ACADSB: variants seen among roughly 807,000 people sequenced by gnomAD.
ACADSB encodes short/branched chain specific acyl-CoA dehydrogenase, mitochondrial.
In ACADSB, 40 loss-of-function variants were observed where a neutral mutation model predicts 54.1. That is an observed-to-expected ratio of 0.74 (90% CI 0.57 to 0.96). ACADSB has a LOEUF of 0.96. ACADSB is among the 40% of genes least tolerant of loss of function. The probability of loss-of-function intolerance (pLI) is 0.00; values close to 1 mark genes in which losing one functional copy is unlikely to be tolerated. For synonymous variants in ACADSB, 182 were observed against 182.8 expected (o/e 1.00, Z 0.03); for missense variants, 530 against 510.4 (o/e 1.04, Z -0.37).
chr10:123,056,313 G>T lies in ACADSB; in HGVS notation c.*2548G>T, dbSNP rs545467732. The T allele has an allele frequency of 2.1e-4, 50 of 242,868 alleles. 1 individual carries two copies. The highest frequency in any genetic ancestry group is 1.5e-3 in the Middle Eastern group (1 of 676). The allele number at this position is 242,868 out of a possible 1,614,324, so 15.0% of individuals were successfully genotyped here. On this transcript the variant is annotated 3_prime_UTR_variant, in exon 11 of 11. Coordinates refer to ENST00000358776, the MANE Select transcript of ACADSB (RefSeq NM_001609.4). ...CATGGCGGGAGGTGAAAAGCACTTC[G>T]TACATGGTGGTGGCAAGAGAAAATG...
chr10:123,035,221 G>T (rs1554872401), intron 2 of ACADSB, among the ~76,000 whole-genome samples: 1 of 152,108 alleles, frequency 6.6e-6, no homozygotes, highest in East Asian at 1.9e-4. Context: ...CTCCCAAAGT[G>T]CTGGGATTAC....
chr10:123,016,105 T>G (rs1406549214), intron 1 of ACADSB, among the ~76,000 whole-genome samples: 1 of 152,140 alleles, frequency 6.6e-6, no homozygotes, highest in Non-Finnish European at 1.5e-5. Flanking sequence ...TTTAGACACG[T>G]TTTAGGTATT....
Position 123,037,792 on chromosome 10 carries a change from T to C in ACADSB, c.248T>C (p.Met83Thr), listed in dbSNP as rs1249335396. The C allele has an allele frequency of 1.9e-6, 3 of 1,612,578 alleles. No individual in the cohort carries two copies. The highest frequency in any genetic ancestry group is 2.7e-5 in the African/African-American group (2 of 74,898). ...CAAATTGCACCTTTGGTTTCAACCATGGATGAAAATTCGAAAATGGAGAAA... is the reference window on the plus strand; with the variant it reads ...CAAATTGCACCTTTGGTTTCAACCACGGATGAAAATTCGAAAATGGAGAAA... The part of the protein sequence containing the change: ...QEQIAPLVST[M>T]DENSKMEKSV... Residue 83 changes from methionine (M) to threonine (T), a missense_variant, in exon 3 of 11, where the codon ATG becomes ACG. Met to Thr is a moderately conservative substitution (Grantham distance 81, BLOSUM62 -1). Transcript: ENST00000358776.
chr10:123,054,029 C>T lies in ACADSB; in HGVS notation c.*264C>T, dbSNP rs1850670887. On this transcript the variant is annotated 3_prime_UTR_variant, in exon 11 of 11. Transcript: ENST00000358776. ...AAAACTGTTTTTAAAGCTGTATACG[C>T]ATACATATATATATTTTTACTCTGT... 3.8e-6 allele frequency: 2 copies of T among 522,080 alleles called. No homozygotes were observed. The highest frequency in any genetic ancestry group is 3.4e-6 in the Non-Finnish European group (1 of 290,546). The allele number at this position is 522,080 out of a possible 1,614,324, so 32.3% of individuals were successfully genotyped here.
At chr10:123,048,974 C>T (rs764703088) in intron 8 of ACADSB, among the ~76,000 whole-genome samples, 17 of 152,148 alleles carry the variant, frequency 1.1e-4, no homozygotes, top group Non-Finnish European at 2.2e-4. Context: ...CTTCGGCCTC[C>T]CAAAGTGCTG....
intron 1 of ACADSB, among the ~76,000 whole-genome samples, chr10:123,021,658 A>G (rs1321305903): frequency 6.6e-6 from 1 of 152,192 alleles, no homozygotes; most frequent in African/African-American, 2.4e-5. Flanking sequence ...CAAAACGTGC[A>G]GTAGTTGTAA....
At chr10:123,032,720 G>A (rs1204260368) in intron 1 of ACADSB, among the ~76,000 whole-genome samples, 2 of 151,662 alleles carry the variant, frequency 1.3e-5, no homozygotes, top group Non-Finnish European at 2.9e-5. Context: ...CTCCCGAGTA[G>A]CTGGGATTAC....
intron 2 of ACADSB, 106 bp from the exon 3 acceptor site, chr10:123,037,641 G>A (rs528278687): frequency 1.5e-5 from 11 of 741,160 alleles, no homozygotes; most frequent in East Asian, 2.6e-5. Context: ...TATAAGAAGG[G>A]TACCTGTGTA....
chr10:123,025,848 G>GT (rs1483073927), intron 1 of ACADSB, among the ~76,000 whole-genome samples: 2 of 152,134 alleles, frequency 1.3e-5, no homozygotes, highest in African/African-American at 2.4e-5. Flanking sequence ...ATCACCTGAG[G>GT]TCAGGAGTTG....
rs750986257 is a variant in ACADSB at position 123,009,011 on chromosome 10, G to C, written c.-19G>C. On this transcript the variant is annotated 5_prime_UTR_variant, in exon 1 of 11. Transcript: ENST00000358776. ...GGCTAGAGACCCAGAGGCGCAGAGC[G>C]GAGAGGCCTGCGGCGAGGATGGAGG... 3.2e-5 allele frequency: 49 copies of C among 1,547,568 alleles called. No individual in the cohort carries two copies. The highest frequency in any genetic ancestry group is 1.9e-4 in the African/African-American group (14 of 73,030).
At chr10:123,051,586 C>T (rs146714295) in intron 9 of ACADSB, among the ~76,000 whole-genome samples, 5 of 152,198 alleles carry the variant, frequency 3.3e-5, no homozygotes, top group African/African-American at 7.2e-5. Context: ...AAGTGAATGC[C>T]GTGGAAGATG....
chr10:123,015,123 G>A (rs1253862985), intron 1 of ACADSB, among the ~76,000 whole-genome samples: 1 of 152,242 alleles, frequency 6.6e-6, no homozygotes, highest in Non-Finnish European at 1.5e-5. Flanking sequence ...CAGTCCTGGA[G>A]AAGAGCCCTT....
Position 123,045,148 on chromosome 10 carries a change from TA to T in ACADSB, c.900+664del, listed in dbSNP as rs1564752881. 2.8e-3 allele frequency among the ~76,000 whole-genome samples: 31 copies of T among 10,898 alleles called. 1 individual carries two copies. The highest frequency in any genetic ancestry group is 0.011 in the African/African-American group (28 of 2,626). The allele number at this position is 10,898 out of a possible 152,430, so 7.1% of individuals were successfully genotyped here. On this transcript the variant is annotated intron_variant, in intron 7 of 10. Transcript: ENST00000358776. ...TGTAGAGTGTATATATATATATATATATATATATATATATATATATATATTT... is the reference window on the plus strand; with the variant it reads ...TGTAGAGTGTATATATATATATATATTATATATATATATATATATATATTT...
chr10:123,038,685 T>C (rs1850432562), intron 3 of ACADSB, among the ~76,000 whole-genome samples: 1 of 152,212 alleles, frequency 6.6e-6, no homozygotes, highest in African/African-American at 2.4e-5. Flanking sequence ...AAAATAACCA[T>C]TGCCACTTAG....
chr10:123,009,080 G>T lies in ACADSB; in HGVS notation c.42+9G>T. The T allele has an allele frequency of 6.5e-7, 1 of 1,545,506 alleles. No homozygotes were observed. The highest frequency in any genetic ancestry group is 2.4e-5 in the East Asian group (1 of 40,874). On this transcript the variant is annotated intron_variant, in intron 1 of 10. Coordinates refer to ENST00000358776, the MANE Select transcript of ACADSB (RefSeq NM_001609.4). ...TGCGCGGCAGCAGGCTGGTGAGTGCGTTCGAGGCTGGCGTCCTGGGGGCCC... is the reference window on the plus strand; with the variant it reads ...TGCGCGGCAGCAGGCTGGTGAGTGCTTTCGAGGCTGGCGTCCTGGGGGCCC...
chr10:123,048,400 A>G (rs960706890), intron 8 of ACADSB, among the ~76,000 whole-genome samples: 11 of 152,088 alleles, frequency 7.2e-5, no homozygotes, highest in African/African-American at 2.2e-4. Context: ...TCCCAAGGTC[A>G]TAAAGCTAAT....
intron 1 of ACADSB, among the ~76,000 whole-genome samples, chr10:123,030,820 A>G (rs1196065672): frequency 6.6e-6 from 1 of 152,234 alleles, no homozygotes; most frequent in Non-Finnish European, 1.5e-5. Flanking sequence ...GGAGTTCTTA[A>G]CCTTCTTTGT....
intron 1 of ACADSB, among the ~76,000 whole-genome samples, chr10:123,024,450 C>T (rs1053321889): frequency 3.3e-5 from 5 of 152,142 alleles, no homozygotes; most frequent in South Asian, 2.1e-4. Flanking sequence ...CAGTTGCCTC[C>T]GTGTTTAGGT....
intron 3 of ACADSB, among the ~76,000 whole-genome samples, chr10:123,038,313 A>G (rs970509813): frequency 1.3e-5 from 2 of 152,260 alleles, no homozygotes; most frequent in South Asian, 2.1e-4. Context: ...GTGAAACTTC[A>G]TAGCATAGTT....
Sources: allele counts gnomAD v4.1 joint callset (sites outside exome capture counted in the v4.1 genomes callset), GRCh38; gene constraint gnomAD v4.1.1; transcripts MANE v1.5; gene names NCBI Gene and HGNC (gene_info 2026-07-23, HGNC 2026-07-21).